The following MOXD1 variants were observed in gnomAD, a reference collection of about 807,000 sequenced individuals.
MOXD1 encodes DBH-like monooxygenase protein 1.
A neutral mutation model predicts 66.6 loss-of-function variants in MOXD1; 62 were observed. The ratio of observed to expected loss-of-function variants is 0.93; its 90% CI spans 0.76 to 1.15. The LOEUF (loss-of-function observed/expected upper bound fraction) is 1.15. MOXD1 is among the 50% of genes most tolerant of loss of function. MOXD1 has a pLI of 0.00. For synonymous variants in MOXD1, 303 were observed against 281.9 expected, an observed-to-expected ratio of 1.07 and a Z score of -0.75; for missense variants, 847 against 754.6, an observed-to-expected ratio of 1.12 and a Z score of -1.44.
intron 9 of MOXD1, among the ~76,000 whole-genome samples, chr6:132,319,210 T>A (rs654186): frequency 0.52 from 78,239 of 151,850 alleles, 23,845 homozygotes; most frequent in African/African-American, 0.85. Flanking sequence ...TTATATAAAT[T>A]AAAAAATACA....
rs1775105262 is a variant in MOXD1 at position 132,322,811 on chromosome 6, G to A, written c.1173C>T (p.His391=). The change falls in exon 8 of 12, where the codon CAC becomes CAT. Residue 391 remains histidine, a synonymous_variant. Coordinates refer to ENST00000367963, the MANE Select transcript of MOXD1 (RefSeq NM_015529.4). ...GCAGCCTGATGCCTCTGCCAGCCAG[G>A]TGAGCATGGAGAAGAACAGCAAACA... ...IHVFAVLLHA[H]LAGRGIRLRH... 1 of 1,613,988 alleles carries A rather than the reference G, an allele frequency of 6.2e-7. No homozygotes were observed. The highest frequency in any genetic ancestry group is 1.3e-5 in the African/African-American group (1 of 74,914).
rs869205496 is a variant in MOXD1 at position 132,340,638 on chromosome 6, A to ATTTTTTTTTTTTTTTTTTTTTT, written c.664-12066_664-12045dup. Among the ~76,000 whole-genome samples the ATTTTTTTTTTTTTTTTTTTTTT allele has an allele frequency of 6.1e-5, 6 of 98,802 alleles. 1 individual carries two copies. The highest frequency in any genetic ancestry group is 2.7e-4 in the African/African-American group (6 of 22,536). 64.8% of individuals were successfully genotyped at this position (98,802 alleles called of 152,430 possible). ...ACAACATGCTAAAACAACAAGACTC[A>ATTTTTTTTTTTTTTTTTTTTTT]TTTTTTTTTTTTTTTTTTTTTTTTT... is the stretch of plus-strand genomic sequence containing the variant. On this transcript the variant is annotated intron_variant, in intron 4 of 11. Transcript: ENST00000367963.
chr6:132,314,801 C>CT (rs1352270940), intron 10 of MOXD1, among the ~76,000 whole-genome samples: 1 of 152,114 alleles, frequency 6.6e-6, no homozygotes, highest in South Asian at 2.1e-4. Flanking sequence ...TTTAAAATAT[C>CT]TTTTTTTGTT....
chr6:132,344,342 A>C (rs559568863), intron 4 of MOXD1, among the ~76,000 whole-genome samples: 1 of 152,330 alleles, frequency 6.6e-6, no homozygotes, highest in African/African-American at 2.4e-5. Context: ...TGAGATAAAA[A>C]ATCCCACACA....
chr6:132,350,882 T>C (rs1562290588), intron 4 of MOXD1, among the ~76,000 whole-genome samples: 7 of 151,922 alleles, frequency 4.6e-5, no homozygotes. Context: ...TTTTTGTTTT[T>C]GTTTGTTTGT....
intron 11 of MOXD1, 38 bp downstream of exon 11, chr6:132,297,749 T>C (rs1774440524): frequency 4.5e-6 from 7 of 1,550,566 alleles, no homozygotes; most frequent in Non-Finnish European, 5.2e-6. Context: ...TCAGATAAAA[T>C]GTGTCATCTG....
At chr6:132,329,598 G>T (rs932143094) in intron 4 of MOXD1, among the ~76,000 whole-genome samples, 1 of 151,982 alleles carries the variant, frequency 6.6e-6, no homozygotes, top group Non-Finnish European at 1.5e-5. Flanking sequence ...ATAAATGCAT[G>T]GTGCTGAGAA....
At chr6:132,300,857 C>T (rs1774518577) in intron 10 of MOXD1, among the ~76,000 whole-genome samples, 1 of 152,108 alleles carries the variant, frequency 6.6e-6, no homozygotes, top group Admixed American at 6.6e-5. Flanking sequence ...CATCTCCTTT[C>T]CACTCCCACT....
At chr6:132,298,882 A>G (rs1977075) in intron 10 of MOXD1, among the ~76,000 whole-genome samples, 77,583 of 152,050 alleles carry the variant, frequency 0.51, 23,527 homozygotes, top group African/African-American at 0.84. Flanking sequence ...AAAGAACTTA[A>G]AACAGAACTA....
Position 132,388,103 on chromosome 6 carries a change from C to CT in MOXD1, c.264+13059dup, listed in dbSNP as rs1013438422. Among the ~76,000 whole-genome samples the CT allele has an allele frequency of 1.8e-4, 28 of 151,540 alleles. 1 individual carries two copies. Among genetic ancestry groups the CT allele is most frequent in the Admixed American group, 1.8e-3 (27 of 15,130 alleles). ...TATATATTTAGTGGAGACCTTTCCC[C>CT]TAAGTTCAAAAGCTGGAATATTTGT... On this transcript the variant is annotated intron_variant, in intron 1 of 11. Transcript: ENST00000367963.
chr6:132,323,980 A>G lies in MOXD1; in HGVS notation c.1064T>C (p.Met355Thr). 4 of 1,613,796 alleles carry G rather than the reference A, an allele frequency of 2.5e-6. No homozygotes were observed. Among genetic ancestry groups the G allele is most frequent in the Non-Finnish European group, 3.4e-6 (4 of 1,179,920 alleles). ...VSLFHTIPPG[M>T]PEFQSEGHCT... The stretch of plus-strand genomic sequence containing the variant: ...GTGACCCTCAGACTGGAACTCAGGC[A>G]TCCCTGGAGGGATGGTATGGAAGAG... The change falls in exon 7 of 12, where the codon ATG becomes ACG. Residue 355 changes from methionine (M) to threonine (T), a missense_variant. Transcript: ENST00000367963.
At chr6:132,322,898 T>C in intron 7 of MOXD1, 28 bp from the exon 8 acceptor site, 1 of 1,565,410 alleles carries the variant, frequency 6.4e-7, no homozygotes. Context: ...GAAGACCCGA[T>C]TAGCCCACAT....
intron 4 of MOXD1, among the ~76,000 whole-genome samples, chr6:132,359,940 G>C (rs981767358): frequency 1.3e-5 from 2 of 152,118 alleles, no homozygotes; most frequent in African/African-American, 4.8e-5. Context: ...GGTATTCTCT[G>C]ATCAAAAAAT....
chr6:132,372,775 C>T (rs1025592729), intron 3 of MOXD1, 55 bp downstream of exon 3: 116 of 1,609,200 alleles, frequency 7.2e-5, no homozygotes, highest in Non-Finnish European at 8.4e-5. Context: ...CAAAAATGCT[C>T]GTATACACTT....
At chr6:132,337,466 T>TC (rs1775464655) in intron 4 of MOXD1, among the ~76,000 whole-genome samples, 1 of 152,250 alleles carries the variant, frequency 6.6e-6, no homozygotes, top group African/African-American at 2.4e-5. Context: ...AGTAATATGT[T>TC]GGGAGAGAAT....
chr6:132,318,011 T>C (rs1203133549), intron 9 of MOXD1, among the ~76,000 whole-genome samples: 1 of 152,152 alleles, frequency 6.6e-6, no homozygotes, highest in Non-Finnish European at 1.5e-5. Flanking sequence ...TCAGATACAC[T>C]CAAGTTAATA....
intron 10 of MOXD1, among the ~76,000 whole-genome samples, chr6:132,312,733 G>T (rs770717091): frequency 4.6e-5 from 7 of 150,780 alleles, no homozygotes; most frequent in Non-Finnish European, 7.4e-5. Context: ...GGAGACCAAA[G>T]GTATGGACAC....
chr6:132,374,549 T>C, intron 2 of MOXD1, 82 bp downstream of exon 2: 1 of 1,198,490 alleles, frequency 8.3e-7, no homozygotes, highest in Non-Finnish European at 1.1e-6. Flanking sequence ...ACTATATGAC[T>C]TGTTTCTCTT....
intron 1 of MOXD1, among the ~76,000 whole-genome samples, chr6:132,400,013 G>T (rs1776985470): frequency 2.0e-5 from 3 of 152,088 alleles, no homozygotes; most frequent in Non-Finnish European, 2.9e-5. Flanking sequence ...GGGAAGAAAC[G>T]ATTAATTTAT....
Sources: gnomAD v4.1 joint callset for allele counts (sites outside exome capture counted in the v4.1 genomes callset) on GRCh38, gnomAD v4.1.1 for gene constraint, MANE v1.5 for transcripts, NCBI Gene and HGNC (gene_info 2026-07-23, HGNC 2026-07-21) for gene names.